The following NBAS variants were observed in gnomAD, a reference collection of about 807,000 sequenced individuals.
NBAS encodes NBAS subunit of NRZ tethering complex.
A neutral mutation model predicts 302.5 loss-of-function variants in NBAS; 219 were observed. The ratio of observed to expected loss-of-function variants is 0.72; its 90% CI spans 0.65 to 0.81. The LOEUF (loss-of-function observed/expected upper bound fraction) is 0.81, where lower values mean the gene tolerates loss of function less well. NBAS is among the 30% of genes least tolerant of loss of function. NBAS has a pLI of 0.00. For synonymous variants in NBAS, 1,118 were observed against 1,021.6 expected, an observed-to-expected ratio of 1.09 and a Z score of -1.80; for missense variants, 2,932 against 2,841.6, an observed-to-expected ratio of 1.03 and a Z score of -0.72.
At chr2:15,248,501 C>CA (rs1311378455) in intron 44 of NBAS, among the ~76,000 whole-genome samples, 6 of 151,986 alleles carry the variant, frequency 3.9e-5, no homozygotes, top group African/African-American at 9.7e-5. Flanking sequence ...AAAAACCCTT[C>CA]AAAAAATCAA....
Position 15,316,946 on chromosome 2 carries a change from A to G in NBAS, c.4583-7699T>C, listed in dbSNP as rs529655542. ...CTCAAGTGGGTCCCTGACCCCGTGTAGCCTAACTGGGAGACGCTTCCCAGT... is the reference window on the plus strand; with the variant it reads ...CTCAAGTGGGTCCCTGACCCCGTGTGGCCTAACTGGGAGACGCTTCCCAGT... On this transcript the variant is annotated intron_variant, in intron 38 of 51. Coordinates refer to ENST00000281513, the MANE Select transcript of NBAS (RefSeq NM_015909.4). Among the ~76,000 whole-genome samples, 4 of 152,346 alleles carry G rather than the reference A, an allele frequency of 2.6e-5. No individual in the cohort carries two copies. The South Asian group carries it at 8.3e-4, about 32-fold the overall frequency.
At chr2:15,063,791 T>C in the NBAS span, among the ~76,000 whole-genome samples, 77,207 of 151,932 alleles carry the variant, frequency 0.51, 21,872 homozygotes, top group Non-Finnish European at 0.62. Flanking sequence ...AGGAGAGAGG[T>C]CTCAGGAGAA....
In NBAS at chr2:15,325,610, T is replaced by C. The variant is rs551107637; in HGVS notation, c.4582+2140A>G. 1.0e-3 allele frequency among the ~76,000 whole-genome samples: 158 copies of C among 152,344 alleles called. No homozygotes were observed. The Middle Eastern group carries it at 0.02, about 20-fold the overall frequency. On this transcript the variant is annotated intron_variant, in intron 38 of 51. Transcript: ENST00000281513. ...AGAATTAAAGGCAGTAAAAGGGACC[T>C]GTTCTGGATTACACTTTGGCTTAAG...
chr2:15,386,859 G>C (rs1392600373), intron 28 of NBAS, among the ~76,000 whole-genome samples: 1 of 151,796 alleles, frequency 6.6e-6, no homozygotes. Flanking sequence ...TTTTTCTACA[G>C]AGTAATCTGT....
intron 9 of NBAS, among the ~76,000 whole-genome samples, chr2:15,511,950 G>A (rs1662164509): frequency 6.6e-6 from 1 of 152,152 alleles, no homozygotes; most frequent in Non-Finnish European, 1.5e-5. Flanking sequence ...ACATTACTGT[G>A]TAACCACTAT....
chr2:15,428,225 A>G (rs1677577025), intron 21 of NBAS, among the ~76,000 whole-genome samples: 1 of 152,218 alleles, frequency 6.6e-6, no homozygotes, highest in Non-Finnish European at 1.5e-5. Flanking sequence ...AGTAACCACC[A>G]GCTATGTAAA....
the NBAS span, among the ~76,000 whole-genome samples, chr2:14,922,242 C>G: frequency 6.6e-6 from 1 of 152,156 alleles, no homozygotes; most frequent in Admixed American, 6.5e-5. Flanking sequence ...TGGACACTGG[C>G]TTTCCCATCT....
At chr2:14,815,966 C>T in the NBAS span, among the ~76,000 whole-genome samples, 2 of 152,176 alleles carry the variant, frequency 1.3e-5, no homozygotes, top group Non-Finnish European at 2.9e-5. Flanking sequence ...TCTAGCCCCC[C>T]TTTTTCTCTT....
chr2:14,818,693 G>A, the NBAS span, among the ~76,000 whole-genome samples: 372 of 152,268 alleles, frequency 2.4e-3, no homozygotes, highest in African/African-American at 8.0e-3. Flanking sequence ...TGTGAAGGAC[G>A]CATGAAGGTC....
At chr2:14,880,934 C>CAAAA in the NBAS span, among the ~76,000 whole-genome samples, 5 of 140,640 alleles carry the variant, frequency 3.6e-5, no homozygotes, top group African/African-American at 1.3e-4. Flanking sequence ...TCCAGGATAG[C>CAAAA]AAAAAAAAAA....
chr2:15,544,711 C>T (rs964647940), intron 6 of NBAS, among the ~76,000 whole-genome samples: 10 of 152,108 alleles, frequency 6.6e-5, no homozygotes, highest in Non-Finnish European at 1.3e-4. Context: ...AAAACAATGA[C>T]ATCTTTAAAG....
At chr2:15,431,163 A>G (rs1677745837) in intron 21 of NBAS, among the ~76,000 whole-genome samples, 1 of 152,132 alleles carries the variant, frequency 6.6e-6, no homozygotes, top group Non-Finnish European at 1.5e-5. Context: ...AAAAAGGACC[A>G]TTTACATGCA....
the NBAS span, among the ~76,000 whole-genome samples, chr2:14,857,759 T>A: frequency 6.6e-6 from 1 of 152,056 alleles, no homozygotes; most frequent in South Asian, 2.1e-4. Flanking sequence ...GGACACTGGA[T>A]TGGGCAAAAA....
chr2:15,120,827 T>A, the NBAS span, among the ~76,000 whole-genome samples: 2 of 152,238 alleles, frequency 1.3e-5, no homozygotes, highest in African/African-American at 2.4e-5. Flanking sequence ...CCTTTCTCTT[T>A]ACCACACGCG....
intron 32 of NBAS, among the ~76,000 whole-genome samples, chr2:15,364,586 C>A (rs1396636518): frequency 6.6e-6 from 1 of 152,118 alleles, no homozygotes; most frequent in Non-Finnish European, 1.5e-5. Context: ...GGAGCACTGA[C>A]TCCAGGAGAC....
chr2:15,314,026 T>A (rs1308487135), intron 38 of NBAS, among the ~76,000 whole-genome samples: 3 of 152,138 alleles, frequency 2.0e-5, no homozygotes, highest in Non-Finnish European at 4.4e-5. Flanking sequence ...CTCCTACAGA[T>A]TAAAACTGTA....
chr2:15,387,616 A>G lies in NBAS; in HGVS notation c.3258-4299T>C, dbSNP rs140587035. ...TTAAGCAACACATATTAAAAAATGAATAAGTCATTCATCTGGAAATTATTT... is the reference window on the plus strand; with the variant it reads ...TTAAGCAACACATATTAAAAAATGAGTAAGTCATTCATCTGGAAATTATTT... On this transcript the variant is annotated intron_variant, in intron 28 of 51. Coordinates refer to ENST00000281513, the MANE Select transcript of NBAS (RefSeq NM_015909.4). Among the ~76,000 whole-genome samples, 191 of 149,152 alleles carry G rather than the reference A, an allele frequency of 1.3e-3. 3 individuals are homozygous for G. Among genetic ancestry groups the G allele is most frequent in the African/African-American group, 4.5e-3 (183 of 40,340 alleles).
intron 3 of NBAS, among the ~76,000 whole-genome samples, chr2:15,555,729 G>T (rs184226531): frequency 6.6e-6 from 1 of 152,134 alleles, no homozygotes; most frequent in Non-Finnish European, 1.5e-5. Flanking sequence ...AAGGAAAAAG[G>T]CTTCTCAGGA....
the NBAS span, among the ~76,000 whole-genome samples, chr2:14,939,691 A>G: frequency 6.6e-6 from 1 of 152,240 alleles, no homozygotes; most frequent in Non-Finnish European, 1.5e-5. Flanking sequence ...CCCAGAGTCC[A>G]TGGACTGCTG....
Sources: gnomAD v4.1 joint callset for allele counts (sites outside exome capture counted in the v4.1 genomes callset) on GRCh38, gnomAD v4.1.1 for gene constraint, MANE v1.5 for transcripts, NCBI Gene and HGNC (gene_info 2026-07-23, HGNC 2026-07-21) for gene names.